The following OGT variants were observed in gnomAD, a reference collection of about 807,000 sequenced individuals.
The protein encoded by OGT is O-linked N-acetylglucosamine (GlcNAc) transferase, also known as UDP-N-acetylglucosamine--peptide N-acetylglucosaminyltransferase 110 kDa subunit.
In OGT, 3 loss-of-function variants were observed where a neutral mutation model predicts 75.8. The observed-to-expected ratio is 0.04, with a 90% CI of 0.02 to 0.10. OGT has a LOEUF of 0.10. OGT is among the 10% of genes least tolerant of loss of function. The probability of loss-of-function intolerance (pLI) is 1.00; values close to 1 mark genes in which losing one functional copy is unlikely to be tolerated. For synonymous variants in OGT, 257 were observed against 289.7 expected, an observed-to-expected ratio of 0.89 and a Z score of 1.15; for missense variants, 260 against 824.4, an observed-to-expected ratio of 0.32 and a Z score of 8.38.
intron 1 of OGT, among the ~76,000 whole-genome samples, chrX:71,534,851 C>T (rs2040163764): frequency 8.9e-6 from 1 of 111,748 alleles, no homozygotes; most frequent in Admixed American, 9.5e-5. Context: ...ATTTTAGTTT[C>T]TATTAAAGAT....
At chrX:71,539,418 G>A (rs1479714338) in intron 3 of OGT, among the ~76,000 whole-genome samples, 1 of 111,407 alleles carries the variant, frequency 9.0e-6, no homozygotes, top group Non-Finnish European at 1.9e-5. Flanking sequence ...TCATACTCCT[G>A]GGCTCAAGCA....
intron 1 of OGT, 133 bp downstream of exon 1, chrX:71,533,469 G>A (rs2040149586): frequency 5.1e-6 from 3 of 593,142 alleles, no homozygotes; most frequent in Admixed American, 2.8e-5. Flanking sequence ...GCTTTTCGTG[G>A]TCTACTGGCA....
chrX:71,565,325 C>T (rs60900028), intron 19 of OGT, among the ~76,000 whole-genome samples: 1 of 111,200 alleles, frequency 9.0e-6, no homozygotes, highest in Admixed American at 9.6e-5. Context: ...ATCCCAGGTT[C>T]GAGTTATTCT....
intron 21 of OGT, 98 bp downstream of exon 21, chrX:71,568,214 G>A: frequency 4.1e-6 from 3 of 738,655 alleles, no homozygotes; most frequent in Non-Finnish European, 5.7e-6. Flanking sequence ...TAAAATAGGT[G>A]AACTAGTTGT....
intron 3 of OGT, among the ~76,000 whole-genome samples, chrX:71,538,578 A>G (rs920770316): frequency 1.1e-4 from 12 of 112,364 alleles, no homozygotes; most frequent in African/African-American, 3.2e-4. Context: ...TTTAGATGAT[A>G]CTACTTATAC....
Position 71,533,232 on chromosome X carries a change from C to G in OGT, c.-68C>G. The G allele has an allele frequency of 9.5e-7, 1 of 1,057,664 alleles. No individual in the cohort carries two copies. Among genetic ancestry groups the G allele is most frequent in the Non-Finnish European group, 1.3e-6 (1 of 771,063 alleles). 87.2% of individuals were successfully genotyped at this position (1,057,664 alleles called of 1,213,427 possible). A position where few individuals can be genotyped will look rare whatever the true frequency, so the allele number is the denominator to read the frequency against. On this transcript the variant is annotated 5_prime_UTR_variant, in exon 1 of 22. Transcript: ENST00000373719. ...GCCCTTGTACTACTACCTCCAAATA[C>G]GTTCTTGCTGGTAGTGGCGGCAGCA...
intron 5 of OGT, among the ~76,000 whole-genome samples, chrX:71,554,012 A>G (rs2147681224): frequency 8.9e-6 from 1 of 111,891 alleles, no homozygotes; most frequent in East Asian, 2.8e-4. Flanking sequence ...CATGACAGCT[A>G]TTTGGATGAC....
intron 4 of OGT, chrX:71,546,608 G>A: frequency 1.4e-6 from 1 of 731,843 alleles, no homozygotes; most frequent in Non-Finnish European, 1.6e-6. Context: ...GTAAGAGAAT[G>A]TTTTATACTA....
intron 4 of OGT, chrX:71,547,149 G>C: frequency 1.3e-6 from 1 of 754,733 alleles, no homozygotes; most frequent in South Asian, 6.7e-5. Flanking sequence ...TGAGGTTTCA[G>C]CTTCAGTCCT....
intron 15 of OGT, among the ~76,000 whole-genome samples, chrX:71,562,185 C>T (rs1277864434): frequency 8.9e-6 from 1 of 112,327 alleles, no homozygotes; most frequent in African/African-American, 3.2e-5. Context: ...AAATACAGGC[C>T]GGGTATGGTG....
Position 71,533,216 on chromosome X carries a change from C to T in OGT, c.-84C>T, listed in dbSNP as rs746336695. ...CATTGCTACGGCTGCTGCCCTTGTA[C>T]TACTACCTCCAAATACGTTCTTGCT... On this transcript the variant is annotated 5_prime_UTR_variant, in exon 1 of 22. Coordinates refer to ENST00000373719, the MANE Select transcript of OGT (RefSeq NM_181672.3). The T allele has an allele frequency of 1.0e-5, 10 of 971,645 alleles. No individual in the cohort carries two copies. In the East Asian group the frequency reaches 3.3e-4, roughly 33 times the overall value. 80.1% of individuals were successfully genotyped at this position (971,645 alleles called of 1,213,427 possible).
intron 15 of OGT, 32 bp downstream of exon 15, chrX:71,561,932 T>C (rs1345525224): frequency 1.7e-6 from 2 of 1,152,288 alleles, no homozygotes; most frequent in Non-Finnish European, 2.3e-6. Flanking sequence ...ACTTATAACA[T>C]GTATTTGGCT....
In OGT at chrX:71,548,121, C is replaced by T. The variant is rs190674393; in HGVS notation, c.648+98C>T. 5.8e-5 allele frequency: 49 copies of T among 845,794 alleles called. No individual in the cohort carries two copies. The African/African-American group carries it at 6.7e-4, about 12-fold the overall frequency. 69.7% of individuals were successfully genotyped at this position (845,794 alleles called of 1,213,427 possible). ...TAGGTCTTAGCCAGTGACATTATAT[C>T]TTTGTTTCTCTGGCGGTATAGGCAG... is the stretch of plus-strand genomic sequence containing the variant. On this transcript the variant is annotated intron_variant, in intron 5 of 21. Transcript: ENST00000373719.
chrX:71,561,179 C>A lies in OGT; in HGVS notation c.1852-596C>A, dbSNP rs372397394. 2.8e-4 allele frequency among the ~76,000 whole-genome samples: 31 copies of A among 110,321 alleles called. No individual in the cohort carries two copies. The East Asian group carries it at 4.3e-3, about 15-fold the overall frequency. On this transcript the variant is annotated intron_variant, in intron 14 of 21. Transcript: ENST00000373719. Reference sequence around the variant, plus strand: ...CTGACCTCAGGTGATCCACCTGCCTCGGCCTCCCAAAGGGCTGGGATTACA... The same window carrying A: ...CTGACCTCAGGTGATCCACCTGCCTAGGCCTCCCAAAGGGCTGGGATTACA...
intron 21 of OGT, among the ~76,000 whole-genome samples, chrX:71,570,239 C>T (rs1320518313): frequency 9.3e-6 from 1 of 107,249 alleles, no homozygotes; most frequent in Non-Finnish European, 1.9e-5. Flanking sequence ...CTGGATTTCA[C>T]TATGCTGGCC....
At chrX:71,536,678 C>T (rs751621020) in intron 2 of OGT, 66 of 179,605 alleles carry the variant, frequency 3.7e-4, no homozygotes, top group African/African-American at 1.7e-3. Flanking sequence ...TTTCATGAGA[C>T]CTGTCAGTTT....
intron 4 of OGT, chrX:71,547,532 C>G: frequency 1.3e-6 from 1 of 787,019 alleles, no homozygotes; most frequent in Non-Finnish European, 1.5e-6. Flanking sequence ...CAAGTTGCGC[C>G]CTCTAGGTAG....
At chrX:71,548,170 A>AT (rs2040275249) in intron 5 of OGT, 147 bp downstream of exon 5, 1 of 559,393 alleles carries the variant, frequency 1.8e-6, no homozygotes, top group African/African-American at 2.3e-5. Flanking sequence ...GAGAACAATG[A>AT]TTTGACTTAA....
At chrX:71,540,918 C>T in intron 3 of OGT, among the ~76,000 whole-genome samples, 1 of 111,609 alleles carries the variant, frequency 9.0e-6, no homozygotes, top group East Asian at 2.8e-4. Context: ...ACAGATCCGC[C>T]TGCTTCAGCC....
Sources: gnomAD v4.1 joint callset for allele counts (sites outside exome capture counted in the v4.1 genomes callset) on GRCh38, gnomAD v4.1.1 for gene constraint, MANE v1.5 for transcripts, NCBI Gene and HGNC (gene_info 2026-07-23, HGNC 2026-07-21) for gene names.